Variants in EXOC6B observed in about 807,000 individuals in gnomAD.
EXOC6B encodes the protein exocyst complex component 6B.
In EXOC6B, 54 loss-of-function variants were observed where a neutral mutation model predicts 113.5. The ratio of observed to expected loss-of-function variants is 0.48; its 90% CI spans 0.38 to 0.60. EXOC6B has a LOEUF of 0.60. Ranked by LOEUF, EXOC6B falls within the 20% of genes least tolerant of loss-of-function variation. EXOC6B has a pLI of 0.00. For synonymous variants in EXOC6B, 357 were observed against 339.0 expected (o/e 1.05, Z -0.58); for missense variants, 797 against 977.5 (o/e 0.82, Z 2.46).
chr2:72,392,070 T>C (rs1692418378), intron 18 of EXOC6B, among the ~76,000 whole-genome samples: 1 of 152,232 alleles, frequency 6.6e-6, no homozygotes, highest in Admixed American at 6.5e-5. Context: ...TTTTTAAAAA[T>C]CTTGATTTAT....
At chr2:72,335,149 C>T (rs1223376938) in intron 19 of EXOC6B, 129 bp from the exon 20 acceptor site, 1 of 759,216 alleles carries the variant, frequency 1.3e-6, no homozygotes. Flanking sequence ...AGTCATGTCT[C>T]TCTCCCTTCA....
intron 6 of EXOC6B, among the ~76,000 whole-genome samples, chr2:72,697,832 A>G (rs1273573547): frequency 6.6e-6 from 1 of 152,222 alleles, no homozygotes; most frequent in East Asian, 1.9e-4. Context: ...TACTTACTAC[A>G]CTAATATCAC....
At chr2:72,426,381 A>AT (rs1468878330) in intron 18 of EXOC6B, among the ~76,000 whole-genome samples, 4 of 152,110 alleles carry the variant, frequency 2.6e-5, no homozygotes, top group Non-Finnish European at 5.9e-5. Flanking sequence ...AATGTTCTTC[A>AT]TTTCCCCAAA....
chr2:72,735,375 C>T (rs1350851657), intron 2 of EXOC6B, among the ~76,000 whole-genome samples: 1 of 152,196 alleles, frequency 6.6e-6, no homozygotes, highest in Non-Finnish European at 1.5e-5. Context: ...ACATGTAATG[C>T]ACTCTCTTGT....
chr2:72,651,991 G>C (rs761746536), intron 6 of EXOC6B, among the ~76,000 whole-genome samples: 7 of 152,236 alleles, frequency 4.6e-5, no homozygotes, highest in African/African-American at 1.7e-4. Flanking sequence ...GCCTCTGTTA[G>C]GGGTAAGAAT....
At chr2:72,230,428 T>C (rs1284114150) in intron 20 of EXOC6B, among the ~76,000 whole-genome samples, 1 of 152,182 alleles carries the variant, frequency 6.6e-6, no homozygotes, top group African/African-American at 2.4e-5. Flanking sequence ...ATCACTATCT[T>C]TTTGCAATGC....
At chr2:72,346,709 T>G (rs1489140131) in intron 19 of EXOC6B, among the ~76,000 whole-genome samples, 2 of 152,176 alleles carry the variant, frequency 1.3e-5, no homozygotes, top group African/African-American at 2.4e-5. Context: ...ATTCACTGAA[T>G]TAAATCAGTA....
chr2:72,521,649 T>C (rs942200011), intron 8 of EXOC6B, among the ~76,000 whole-genome samples: 4 of 152,196 alleles, frequency 2.6e-5, no homozygotes, highest in Non-Finnish European at 1.5e-5. Flanking sequence ...GCATCTAAAG[T>C]ATTTTGGTAA....
intron 19 of EXOC6B, among the ~76,000 whole-genome samples, chr2:72,345,378 T>C (rs1482280523): frequency 3.3e-5 from 5 of 152,176 alleles, no homozygotes; most frequent in African/African-American, 1.2e-4. Context: ...AATCTGGGAA[T>C]GGATGTTTAG....
chr2:72,625,940 T>C (rs1330043532), intron 6 of EXOC6B, among the ~76,000 whole-genome samples: 1 of 152,194 alleles, frequency 6.6e-6, no homozygotes, highest in Non-Finnish European at 1.5e-5. Context: ...ACTAAACTTA[T>C]ATGTTCTGGC....
chr2:72,804,943 A>G (rs1685498611), intron 1 of EXOC6B, among the ~76,000 whole-genome samples: 1 of 152,156 alleles, frequency 6.6e-6, no homozygotes, highest in Non-Finnish European at 1.5e-5. Flanking sequence ...ATCTCCATAC[A>G]TGATTGCCCT....
chr2:72,734,400 T>C (rs1418017442), intron 2 of EXOC6B, among the ~76,000 whole-genome samples: 2 of 152,044 alleles, frequency 1.3e-5, no homozygotes, highest in African/African-American at 4.8e-5. Context: ...AAATTAAGAG[T>C]GATAAAGCCG....
At chr2:72,208,569 T>A (rs1679974807) in intron 20 of EXOC6B, among the ~76,000 whole-genome samples, 1 of 152,148 alleles carries the variant, frequency 6.6e-6, no homozygotes, top group African/African-American at 2.4e-5. Context: ...GCCTTTTTGG[T>A]AGAATGATTT....
intron 6 of EXOC6B, among the ~76,000 whole-genome samples, chr2:72,650,053 C>T (rs1185114250): frequency 6.6e-6 from 1 of 152,178 alleles, no homozygotes; most frequent in East Asian, 1.9e-4. Flanking sequence ...GAGCAGCTGG[C>T]CAGTGAGCAT....
chr2:72,229,920 G>A (rs1181565387), intron 20 of EXOC6B, among the ~76,000 whole-genome samples: 1 of 152,078 alleles, frequency 6.6e-6, no homozygotes, highest in Non-Finnish European at 1.5e-5. Flanking sequence ...CTTTCTGACA[G>A]GTATTCCCAT....
intron 5 of EXOC6B, among the ~76,000 whole-genome samples, chr2:72,720,371 A>G (rs1384644937): frequency 6.6e-6 from 1 of 152,210 alleles, no homozygotes; most frequent in Non-Finnish European, 1.5e-5. Context: ...ATCCAACTAC[A>G]TATTGTCTAC....
intron 6 of EXOC6B, among the ~76,000 whole-genome samples, chr2:72,615,522 G>C (rs1671328004): frequency 7.1e-6 from 1 of 141,316 alleles, no homozygotes; most frequent in Non-Finnish European, 1.5e-5. Context: ...GTCAAAAAAA[G>C]AAAGTAACAT....
chr2:72,391,648 T>C (rs894503210), intron 18 of EXOC6B, among the ~76,000 whole-genome samples: 2 of 152,228 alleles, frequency 1.3e-5, no homozygotes, highest in African/African-American at 4.8e-5. Context: ...ATCATTCTCT[T>C]TCTCTCTTCT....
At chr2:72,585,158 G>A (rs964777217) in intron 6 of EXOC6B, among the ~76,000 whole-genome samples, 2 of 149,994 alleles carry the variant, frequency 1.3e-5, no homozygotes, top group Admixed American at 1.3e-4. Context: ...CATCAGAGAA[G>A]AATTGAACAA....
Sources: allele counts gnomAD v4.1 joint callset (sites outside exome capture counted in the v4.1 genomes callset), GRCh38; gene constraint gnomAD v4.1.1; transcripts MANE v1.5; gene names NCBI Gene and HGNC (gene_info 2026-07-23, HGNC 2026-07-21).